The following MAF variants were observed in gnomAD, a reference collection of about 807,000 sequenced individuals.
The protein encoded by MAF is MAF bZIP transcription factor, also known as transcription factor Maf.
A neutral mutation model predicts 22.0 loss-of-function variants in MAF; 10 were observed. The ratio of observed to expected loss-of-function variants is 0.45; its 90% CI spans 0.28 to 0.77. The LOEUF is 0.77. Among genes scored for constraint, MAF ranks in the 30% least tolerant of loss-of-function variants. The probability of loss-of-function intolerance (pLI) is 0.12; values close to 1 mark genes in which losing one functional copy is unlikely to be tolerated. For missense variants in MAF, 544 were observed against 548.4 expected (o/e 0.99, Z 0.08); for synonymous variants, 337 against 255.8 (o/e 1.32, Z -3.03).
At chr16:79,524,821 A>G in the MAF span, among the ~76,000 whole-genome samples, 2 of 152,344 alleles carry the variant, frequency 1.3e-5, no homozygotes, top group South Asian at 2.1e-4. Context: ...GGCAACATCA[A>G]CTTATGGGGC....
At chr16:79,553,173 A>C in the MAF span, among the ~76,000 whole-genome samples, 1 of 152,208 alleles carries the variant, frequency 6.6e-6, no homozygotes, top group African/African-American at 2.4e-5. Flanking sequence ...GCCAGCTGTC[A>C]TGCTGATGCT....
downstream of MAF, among the ~76,000 whole-genome samples, chr16:79,585,308 T>C (rs1597831867): frequency 6.6e-6 from 1 of 152,304 alleles, no homozygotes; most frequent in South Asian, 2.1e-4. Flanking sequence ...CTTCCTTGTA[T>C]TGAAGTGGGG....
the MAF span, among the ~76,000 whole-genome samples, chr16:79,305,737 A>G: frequency 1.3e-5 from 2 of 152,244 alleles, no homozygotes; most frequent in Non-Finnish European, 2.9e-5. Context: ...GGAAGATTTA[A>G]GCAGAGAGAG....
At chr16:79,499,931 G>A in the MAF span, among the ~76,000 whole-genome samples, 4 of 152,168 alleles carry the variant, frequency 2.6e-5, no homozygotes, top group African/African-American at 9.7e-5. Flanking sequence ...TATTCTGGTT[G>A]ACCATAAATG....
the MAF span, among the ~76,000 whole-genome samples, chr16:79,301,794 C>T: frequency 5.9e-5 from 9 of 152,316 alleles, no homozygotes; most frequent in Admixed American, 6.5e-5. Context: ...GGGTATGATG[C>T]TATAGGCTTT....
chr16:79,402,060 C>T, the MAF span, among the ~76,000 whole-genome samples: 3 of 152,148 alleles, frequency 2.0e-5, no homozygotes, highest in Non-Finnish European at 4.4e-5. Flanking sequence ...ACTGTGGGAT[C>T]AGAAGAATGG....
At chr16:79,416,229 C>T in the MAF span, among the ~76,000 whole-genome samples, 3 of 152,152 alleles carry the variant, frequency 2.0e-5, no homozygotes, top group Admixed American at 6.5e-5. Flanking sequence ...GCAGAACTGC[C>T]TCTGATTCTG....
chr16:79,565,509 G>GA, the MAF span, among the ~76,000 whole-genome samples: 9 of 151,978 alleles, frequency 5.9e-5, no homozygotes, highest in Non-Finnish European at 1.2e-4. Flanking sequence ...CGTGTTGTGG[G>GA]GGGGGGGACC....
chr16:79,293,113 A>C, the MAF span, among the ~76,000 whole-genome samples: 5 of 152,310 alleles, frequency 3.3e-5, no homozygotes, highest in South Asian at 8.3e-4. Context: ...TTACTTGCTT[A>C]ATAAACTTGC....
the MAF span, among the ~76,000 whole-genome samples, chr16:79,237,686 T>C: frequency 2.0e-5 from 3 of 152,166 alleles, no homozygotes; most frequent in Admixed American, 6.5e-5. Flanking sequence ...GCTCCTGCAC[T>C]GTTGGCGTTT....
At chr16:79,211,930 C>A in the MAF span, 1 of 1,538,950 alleles carries the variant, frequency 6.5e-7, no homozygotes, top group South Asian at 1.2e-5. Context: ...GCAGTCACAA[C>A]AGAGTGAAAA....
the MAF span, among the ~76,000 whole-genome samples, chr16:79,309,385 A>T: frequency 6.6e-6 from 1 of 152,124 alleles, no homozygotes; most frequent in East Asian, 1.9e-4. Flanking sequence ...CCCCACCTTC[A>T]TCTCTCCAGA....
the MAF span, among the ~76,000 whole-genome samples, chr16:79,294,772 G>T: frequency 9.2e-5 from 14 of 152,138 alleles, no homozygotes; most frequent in African/African-American, 3.4e-4. Context: ...GTTGCACAGG[G>T]CCAACTCTCT....
At chr16:79,282,922 G>A in the MAF span, among the ~76,000 whole-genome samples, 1 of 152,114 alleles carries the variant, frequency 6.6e-6, no homozygotes, top group African/African-American at 2.4e-5. Context: ...TTCATCAAAG[G>A]CATGTTTCAA....
the MAF span, among the ~76,000 whole-genome samples, chr16:79,275,910 G>C: frequency 6.6e-6 from 1 of 152,170 alleles, no homozygotes; most frequent in African/African-American, 2.4e-5. Flanking sequence ...GGGAGGTCGA[G>C]GCAGGCAGAT....
the MAF span, among the ~76,000 whole-genome samples, chr16:79,522,443 C>T: frequency 1.3e-5 from 2 of 152,214 alleles, no homozygotes; most frequent in South Asian, 2.1e-4. Context: ...GTCCTCACCA[C>T]TTGTGTGCAC....
the MAF span, among the ~76,000 whole-genome samples, chr16:79,401,324 T>C: frequency 0.057 from 8,711 of 152,278 alleles, 309 homozygotes; most frequent in African/African-American, 0.096. Context: ...TACCAGACAC[T>C]GCCTTGCCAT....
the MAF span, among the ~76,000 whole-genome samples, chr16:79,541,919 G>A: frequency 1.3e-5 from 2 of 152,054 alleles, no homozygotes; most frequent in Admixed American, 1.3e-4. Context: ...GCCTCCCAAA[G>A]TGCTGGGATT....
the MAF span, among the ~76,000 whole-genome samples, chr16:79,346,668 G>A: frequency 6.6e-6 from 1 of 152,164 alleles, no homozygotes; most frequent in African/African-American, 2.4e-5. Flanking sequence ...CACGATACCA[G>A]GGAATCCATA....
Sources: allele counts gnomAD v4.1 joint callset (sites outside exome capture counted in the v4.1 genomes callset), GRCh38; gene constraint gnomAD v4.1.1; transcripts MANE v1.5; gene names NCBI Gene and HGNC (gene_info 2026-07-23, HGNC 2026-07-21).